The following OPCML variants were observed in gnomAD, a reference collection of about 807,000 sequenced individuals.
The protein encoded by OPCML is opioid-binding protein/cell adhesion molecule.
In OPCML, 13 loss-of-function variants were observed where a neutral mutation model predicts 37.8. That is an observed-to-expected ratio of 0.34 (90% CI 0.22 to 0.55). The LOEUF (loss-of-function observed/expected upper bound fraction) is 0.55. Among genes scored for constraint, OPCML ranks in the 20% least tolerant of loss-of-function variants. The pLI, the probability that OPCML is intolerant of heterozygous loss-of-function variation, is 0.91. For missense variants in OPCML, 341 were observed against 435.6 expected, an observed-to-expected ratio of 0.78 and a Z score of 1.93; for synonymous variants, 176 against 168.8, an observed-to-expected ratio of 1.04 and a Z score of -0.33.
chr11:133,350,982 G>A (rs925871049), intron 1 of OPCML, among the ~76,000 whole-genome samples: 1 of 152,146 alleles, frequency 6.6e-6, no homozygotes, highest in African/African-American at 2.4e-5. Context: ...AAGGAGTGGG[G>A]TTTTAATGAA....
chr11:133,257,440 G>T (rs185809910), intron 1 of OPCML, among the ~76,000 whole-genome samples: 1 of 152,172 alleles, frequency 6.6e-6, no homozygotes. Flanking sequence ...TAGGAATCAC[G>T]CTGCATTACG....
chr11:132,898,943 G>A (rs1310879822), intron 2 of OPCML, among the ~76,000 whole-genome samples: 3 of 151,410 alleles, frequency 2.0e-5, no homozygotes, highest in Non-Finnish European at 4.4e-5. Flanking sequence ...AGGGGAAACT[G>A]GATTACTACT....
chr11:133,141,649 C>T (rs1043215204), intron 1 of OPCML, among the ~76,000 whole-genome samples: 2 of 152,134 alleles, frequency 1.3e-5, no homozygotes, highest in East Asian at 1.9e-4. Flanking sequence ...CTGCTCCCAG[C>T]AAGAATCCCT....
chr11:133,037,529 T>C (rs1198195145), intron 1 of OPCML, among the ~76,000 whole-genome samples: 1 of 152,234 alleles, frequency 6.6e-6, no homozygotes, highest in Non-Finnish European at 1.5e-5. Flanking sequence ...GGAGCTAGAC[T>C]GGAGTGTAAA....
At chr11:133,047,512 A>G (rs537740406) in intron 1 of OPCML, among the ~76,000 whole-genome samples, 2 of 152,294 alleles carry the variant, frequency 1.3e-5, no homozygotes, top group African/African-American at 4.8e-5. Context: ...TGTTTCTGTC[A>G]GGGAATTCTG....
At chr11:133,253,819 C>T (rs1941225076) in intron 1 of OPCML, among the ~76,000 whole-genome samples, 1 of 72,428 alleles carries the variant, frequency 1.4e-5, no homozygotes, top group African/African-American at 5.2e-5. Context: ...TCCCTCCTTC[C>T]CTTCCCTTCC....
chr11:133,327,085 G>A (rs947678310), intron 1 of OPCML, among the ~76,000 whole-genome samples: 3 of 142,334 alleles, frequency 2.1e-5, no homozygotes, highest in African/African-American at 5.2e-5. Context: ...CACGAGATGG[G>A]GTATGTGGTG....
intron 1 of OPCML, chr11:133,006,614 T>C (rs937180449): frequency 2.0e-6 from 2 of 985,324 alleles, no homozygotes; most frequent in African/African-American, 3.5e-5. Context: ...CATGCCCCAC[T>C]GGCCAGAACT....
At chr11:133,288,666 A>T (rs1178410387) in intron 1 of OPCML, among the ~76,000 whole-genome samples, 1 of 152,166 alleles carries the variant, frequency 6.6e-6, no homozygotes, top group Non-Finnish European at 1.5e-5. Context: ...GATCAATTAA[A>T]TCAGAATCCC....
chr11:133,510,191 A>G lies in OPCML; in HGVS notation c.61+22073T>C, dbSNP rs867937082. Among the ~76,000 whole-genome samples, 8 of 152,326 alleles carry G rather than the reference A, an allele frequency of 5.3e-5. 1 individual carries two copies. The highest frequency in any genetic ancestry group is 3.4e-3 in the Middle Eastern group (1 of 294). On this transcript the variant is annotated intron_variant, in intron 1 of 7. Transcript: ENST00000524381. ...TGCCCAGGCTGCCCCTGGACCACCC[A>G]GGAGGCCCCTTGATTCAAGTCTCGC...
chr11:133,490,536 G>A (rs1947632396), intron 1 of OPCML, among the ~76,000 whole-genome samples: 1 of 152,170 alleles, frequency 6.6e-6, no homozygotes, highest in African/African-American at 2.4e-5. Flanking sequence ...ATGAAAGTGA[G>A]AATCCCAAGA....
intron 1 of OPCML, chr11:133,420,962 G>C (rs780768038): frequency 3.0e-5 from 30 of 985,172 alleles, no homozygotes; most frequent in Non-Finnish European, 3.6e-5. Flanking sequence ...TTTTTAGTCA[G>C]GTGGGTGCAT....
At chr11:133,482,674 CATAA>C (rs995151694) in intron 1 of OPCML, among the ~76,000 whole-genome samples, 62 of 152,060 alleles carry the variant, frequency 4.1e-4, no homozygotes, top group African/African-American at 1.4e-3. Context: ...AAGATGGCAG[CATAA>C]ATAAATGGGA....
chr11:133,419,635 G>C lies in OPCML; in HGVS notation c.61+112629C>G, dbSNP rs147751438. Among the ~76,000 whole-genome samples, 301 of 152,226 alleles carry C rather than the reference G, an allele frequency of 2.0e-3. 2 individuals carry two copies. The highest frequency in any genetic ancestry group is 6.5e-3 in the African/African-American group (271 of 41,552). On this transcript the variant is annotated intron_variant, in intron 1 of 7. Transcript: ENST00000524381. ...CCCCCTTCTGAACTCTGTGTTTGTAGCCTAAAATTGACCATGGCGAGCATA... is the reference window on the plus strand; with the variant it reads ...CCCCCTTCTGAACTCTGTGTTTGTACCCTAAAATTGACCATGGCGAGCATA...
chr11:133,426,303 C>T (rs1255689341), intron 1 of OPCML, among the ~76,000 whole-genome samples: 1 of 151,924 alleles, frequency 6.6e-6, no homozygotes, highest in Non-Finnish European at 1.5e-5. Context: ...TTTTTTTAAC[C>T]AAACTAGCAG....
chr11:133,531,744 G>GGAGAGAGA (rs10567773), intron 1 of OPCML, among the ~76,000 whole-genome samples: 108 of 137,250 alleles, frequency 7.9e-4, no homozygotes, highest in South Asian at 7.4e-3. Flanking sequence ...AGGTGGAGAG[G>GGAGAGAGA]GAGAGAGAGA....
chr11:133,023,220 A>T (rs1947486054), intron 1 of OPCML, among the ~76,000 whole-genome samples: 1 of 152,190 alleles, frequency 6.6e-6, no homozygotes, highest in Non-Finnish European at 1.5e-5. Context: ...ACTCCAATCT[A>T]GTTCCCTGTA....
rs879707086 is a variant in OPCML, at chr11:133,158,727, TAA to T, written c.62-215719_62-215718del. Among the ~76,000 whole-genome samples the T allele has an allele frequency of 3.5e-3, 511 of 147,414 alleles. 1 individual carries two copies. Among genetic ancestry groups the T allele is most frequent in the Non-Finnish European group, 5.4e-3 (361 of 66,770 alleles). On this transcript the variant is annotated intron_variant, in intron 1 of 7. Coordinates refer to ENST00000524381, the MANE Select transcript of OPCML (RefSeq NM_001012393.5). ...ATAAAATTAAAAAAATAAAATAAAA[TAA>T]AATAAAATAAAATAAAATAAAATAA...
At chr11:133,008,430 C>A in intron 1 of OPCML, 1 of 985,220 alleles carries the variant, frequency 1.0e-6, no homozygotes, top group African/African-American at 1.7e-5. Context: ...TGATTTTTTT[C>A]TTTTTCTGAT....
Sources: gnomAD v4.1 joint callset for allele counts (sites outside exome capture counted in the v4.1 genomes callset) on GRCh38, gnomAD v4.1.1 for gene constraint, MANE v1.5 for transcripts, NCBI Gene and HGNC (gene_info 2026-07-23, HGNC 2026-07-21) for gene names.